Variants in ASAP1 observed in about 807,000 individuals in gnomAD.
ASAP1 encodes ArfGAP with SH3 domain, ankyrin repeat and PH domain 1.
Under a neutral mutation model 145.2 loss-of-function variants are expected in ASAP1, and 43 were observed. The ratio of observed to expected loss-of-function variants is 0.30; its 90% CI spans 0.23 to 0.38. The LOEUF is 0.38. Ranked by LOEUF, ASAP1 falls within the 10% of genes least tolerant of loss-of-function variation. The pLI is 1.00. For synonymous variants in ASAP1, 546 were observed against 515.5 expected (o/e 1.06, Z -0.80); for missense variants, 1,018 against 1,355.3 (o/e 0.75, Z 3.91).
chr8:130,107,772 C>T (rs2097540005), intron 24 of ASAP1, among the ~76,000 whole-genome samples: 1 of 152,054 alleles, frequency 6.6e-6, no homozygotes, highest in Admixed American at 6.6e-5. Context: ...TGGTCTCGAA[C>T]TCCTGACCTC....
At chr8:130,292,745 C>T (rs1822023703) in intron 3 of ASAP1, among the ~76,000 whole-genome samples, 1 of 152,128 alleles carries the variant, frequency 6.6e-6, no homozygotes, top group African/African-American at 2.4e-5. Flanking sequence ...AAAGCAAGCT[C>T]CCAACTTCTT....
intron 11 of ASAP1, among the ~76,000 whole-genome samples, chr8:130,164,538 C>T (rs989936900): frequency 6.6e-6 from 1 of 152,152 alleles, no homozygotes; most frequent in Non-Finnish European, 1.5e-5. Flanking sequence ...CTGCAGTGAG[C>T]GAGATTTGTA....
At chr8:130,418,318 G>C (rs1829572571) in intron 1 of ASAP1, among the ~76,000 whole-genome samples, 1 of 152,182 alleles carries the variant, frequency 6.6e-6, no homozygotes, top group Admixed American at 6.5e-5. Flanking sequence ...GGGAGGGCCA[G>C]GCGGGCGGAT....
chr8:130,401,947 T>G lies in ASAP1; in HGVS notation c.-4A>C, dbSNP rs750979928. The G allele has an allele frequency of 6.2e-7, 1 of 1,613,024 alleles. No individual in the cohort carries two copies. Among genetic ancestry groups the G allele is most frequent in the African/African-American group, 1.3e-5 (1 of 74,906 alleles). ...GCCTGGAGGCTGAAGATCTCATGTC[T>G]CAGCCGTCACATCAGAAAACGACCT... is the stretch of plus-strand genomic sequence containing the variant. On this transcript the variant is annotated 5_prime_UTR_variant, in exon 2 of 30. Transcript: ENST00000518721.
At chr8:130,360,106 T>A (rs1483931749) in intron 2 of ASAP1, among the ~76,000 whole-genome samples, 10 of 152,216 alleles carry the variant, frequency 6.6e-5, no homozygotes, top group Admixed American at 5.9e-4. Context: ...CCCTGGAGAT[T>A]GAGTAATGCC....
intron 27 of ASAP1, chr8:130,069,742 G>A (rs1383781296): frequency 6.6e-6 from 1 of 152,160 alleles, no homozygotes; most frequent in Non-Finnish European, 1.5e-5. Flanking sequence ...CCAGTTTACT[G>A]TATTTCTTGC....
At chr8:130,118,918 G>C (rs2097560915) in intron 18 of ASAP1, 1 of 245,090 alleles carries the variant, frequency 4.1e-6, no homozygotes, top group Non-Finnish European at 7.7e-6. Flanking sequence ...ATAAATCACA[G>C]ATTTCTTTTT....
chr8:130,235,995 C>T (rs915098041), intron 4 of ASAP1, among the ~76,000 whole-genome samples: 9 of 151,830 alleles, frequency 5.9e-5, no homozygotes, highest in Admixed American at 1.3e-4. Flanking sequence ...ACTATCCTCA[C>T]GTTACAGAAG....
intron 3 of ASAP1, among the ~76,000 whole-genome samples, chr8:130,279,600 G>C (rs983632714): frequency 2.0e-5 from 3 of 152,122 alleles, no homozygotes; most frequent in African/African-American, 7.2e-5. Context: ...TCTCAAACAA[G>C]AAACTAACCT....
At chr8:130,122,941 G>A (rs2097568911) in intron 18 of ASAP1, among the ~76,000 whole-genome samples, 2 of 152,366 alleles carry the variant, frequency 1.3e-5, no homozygotes, top group African/African-American at 4.8e-5. Flanking sequence ...GGACAAGAGT[G>A]CACTGTGTAT....
chr8:130,215,824 C>A (rs1054015993), intron 4 of ASAP1, among the ~76,000 whole-genome samples: 4 of 151,996 alleles, frequency 2.6e-5, no homozygotes, highest in Admixed American at 6.6e-5. Flanking sequence ...ACTTGGGAGG[C>A]TGAGGCAGGA....
At chr8:130,400,474 G>A (rs1461115117) in intron 2 of ASAP1, among the ~76,000 whole-genome samples, 1 of 147,936 alleles carries the variant, frequency 6.8e-6, no homozygotes. Flanking sequence ...CCTCTCCCAA[G>A]AGGTAACGTG....
intron 2 of ASAP1, among the ~76,000 whole-genome samples, chr8:130,369,104 C>A (rs1449705110): frequency 6.6e-6 from 1 of 152,164 alleles, no homozygotes; most frequent in East Asian, 1.9e-4. Context: ...AGATAATACA[C>A]ATAACAGAAT....
chr8:130,243,202 T>C (rs1250574178), intron 3 of ASAP1, among the ~76,000 whole-genome samples: 1 of 152,148 alleles, frequency 6.6e-6, no homozygotes, highest in Non-Finnish European at 1.5e-5. Flanking sequence ...ATAAGATTGA[T>C]AAAGTAAGTT....
chr8:130,054,736 C>CA lies in ASAP1; in HGVS notation c.3384dup (p.Asp1129Ter), dbSNP rs776323084. 7 of 1,613,414 alleles carry CA rather than the reference C, an allele frequency of 4.3e-6. No homozygotes were observed. The South Asian group carries it at 7.7e-5, about 18-fold the overall frequency. The stretch of plus-strand genomic sequence containing the variant: ...TCTTAAGGTTCTGCGTTTTGCTAGT[C>CA]AGACAGGATATGAACAAAGGACACT... On this transcript the variant is annotated frameshift_variant, in exon 30 of 30. Coordinates refer to ENST00000518721, the MANE Select transcript of ASAP1 (RefSeq NM_018482.4). LOFTEE classifies it high-confidence loss of function.
chr8:130,182,490 C>T (rs1814423561), intron 7 of ASAP1, among the ~76,000 whole-genome samples: 1 of 152,160 alleles, frequency 6.6e-6, no homozygotes, highest in African/African-American at 2.4e-5. Context: ...TGAGACAAAC[C>T]TCAGACACTG....
chr8:130,281,603 T>TA (rs1225008425), intron 3 of ASAP1, among the ~76,000 whole-genome samples: 1 of 152,108 alleles, frequency 6.6e-6, no homozygotes, highest in Non-Finnish European at 1.5e-5. Context: ...TTGGGGGGGT[T>TA]AAAAAAACAA....
chr8:130,288,555 T>C (rs543617875), intron 3 of ASAP1, among the ~76,000 whole-genome samples: 1 of 152,302 alleles, frequency 6.6e-6, no homozygotes, highest in African/African-American at 2.4e-5. Context: ...CTGGACTGCA[T>C]ATCCATTAAA....
At chr8:130,317,061 T>C (rs1332996193) in intron 3 of ASAP1, among the ~76,000 whole-genome samples, 1 of 150,812 alleles carries the variant, frequency 6.6e-6, no homozygotes, top group East Asian at 1.9e-4. Flanking sequence ...GACTCATTCC[T>C]ATTTTGCTTT....
Sources: allele counts gnomAD v4.1 joint callset (sites outside exome capture counted in the v4.1 genomes callset), GRCh38; gene constraint gnomAD v4.1.1; transcripts MANE v1.5; gene names NCBI Gene and HGNC (gene_info 2026-07-23, HGNC 2026-07-21).